The following CADM2 variants were observed in gnomAD, a reference collection of about 807,000 sequenced individuals.
CADM2 encodes the protein cell adhesion molecule 2.
A neutral mutation model predicts 49.8 loss-of-function variants in CADM2; 12 were observed. That is an observed-to-expected ratio of 0.24 (90% CI 0.15 to 0.39). The LOEUF (loss-of-function observed/expected upper bound fraction) is 0.39, where lower values mean the gene tolerates loss of function less well. Ranked by LOEUF, CADM2 falls within the 10% of genes least tolerant of loss-of-function variation. The pLI is 1.00. For missense variants in CADM2, 378 were observed against 492.3 expected (o/e 0.77, Z 2.20); for synonymous variants, 214 against 175.4 (o/e 1.22, Z -1.74).
At chr3:85,669,106 T>C (rs2065662061) in intron 1 of CADM2, among the ~76,000 whole-genome samples, 1 of 152,116 alleles carries the variant, frequency 6.6e-6, no homozygotes, top group Non-Finnish European at 1.5e-5. Flanking sequence ...TACCTGTTCC[T>C]ACCCTCAACT....
intron 1 of CADM2, among the ~76,000 whole-genome samples, chr3:85,637,124 T>A (rs1210257554): frequency 6.6e-6 from 1 of 152,204 alleles, no homozygotes; most frequent in Non-Finnish European, 1.5e-5. Context: ...GTATATTCTT[T>A]TTTTTAAATT....
intron 1 of CADM2, among the ~76,000 whole-genome samples, chr3:85,152,211 T>C (rs2107648116): frequency 6.6e-6 from 1 of 152,298 alleles, no homozygotes; most frequent in African/African-American, 2.4e-5. Context: ...TACTACTCTA[T>C]ATAATACTCT....
At chr3:85,651,727 T>C (rs2065046372) in intron 1 of CADM2, among the ~76,000 whole-genome samples, 1 of 152,122 alleles carries the variant, frequency 6.6e-6, no homozygotes, top group Non-Finnish European at 1.5e-5. Context: ...TCATTATTCT[T>C]GCTTTCCAAA....
chr3:85,919,469 C>T (rs565258548), intron 6 of CADM2, among the ~76,000 whole-genome samples: 8 of 151,436 alleles, frequency 5.3e-5, no homozygotes, highest in Admixed American at 3.3e-4. Flanking sequence ...AGGTTAATAA[C>T]GAATGAAAAT....
intron 1 of CADM2, among the ~76,000 whole-genome samples, chr3:85,058,184 T>G (rs2036166022): frequency 6.6e-6 from 1 of 152,178 alleles, no homozygotes; most frequent in African/African-American, 2.4e-5. Flanking sequence ...GGTGTAAAAC[T>G]AGTTTGTTCA....
chr3:85,408,891 C>T (rs537614698), intron 1 of CADM2, among the ~76,000 whole-genome samples: 4 of 152,170 alleles, frequency 2.6e-5, no homozygotes, highest in African/African-American at 9.6e-5. Context: ...ATATTAAAGC[C>T]AATGTGTCAC....
At chr3:85,506,046 A>C (rs1236400360) in intron 1 of CADM2, among the ~76,000 whole-genome samples, 1 of 152,220 alleles carries the variant, frequency 6.6e-6, no homozygotes, top group Non-Finnish European at 1.5e-5. Flanking sequence ...AAAGACAATT[A>C]AAACTTGCAT....
At chr3:85,223,891 TG>T (rs1246152792) in intron 1 of CADM2, among the ~76,000 whole-genome samples, 1 of 152,192 alleles carries the variant, frequency 6.6e-6, no homozygotes, top group Admixed American at 6.5e-5. Context: ...CTGAGAATGA[TG>T]GTTTCCAGCT....
chr3:85,740,347 A>G (rs181263069), intron 2 of CADM2, among the ~76,000 whole-genome samples: 3 of 152,276 alleles, frequency 2.0e-5, no homozygotes, highest in Non-Finnish European at 4.4e-5. Context: ...CAACAGCTTC[A>G]GTAATAAAGA....
At chr3:85,190,173 C>T (rs917370514) in intron 1 of CADM2, among the ~76,000 whole-genome samples, 1 of 151,872 alleles carries the variant, frequency 6.6e-6, no homozygotes, top group Non-Finnish European at 1.5e-5. Flanking sequence ...GAGGGGATTA[C>T]AAAAATCTTG....
At chr3:85,116,568 C>T (rs1481143174) in intron 1 of CADM2, among the ~76,000 whole-genome samples, 3 of 152,062 alleles carry the variant, frequency 2.0e-5, no homozygotes, top group Admixed American at 6.6e-5. Context: ...TTATATCAAA[C>T]TTCTAGAAAA....
intron 1 of CADM2, among the ~76,000 whole-genome samples, chr3:85,103,140 A>T (rs1193975980): frequency 1.3e-5 from 2 of 152,154 alleles, no homozygotes; most frequent in Non-Finnish European, 2.9e-5. Flanking sequence ...TATATTTGTA[A>T]TGAATAATTC....
chr3:85,862,437 C>G (rs1424534784), intron 3 of CADM2, among the ~76,000 whole-genome samples: 3 of 152,124 alleles, frequency 2.0e-5, no homozygotes, highest in African/African-American at 7.2e-5. Context: ...TTTTGAATTA[C>G]AAGAATTGAA....
At chr3:86,014,063 T>G (rs35684639) in intron 8 of CADM2, 219,243 of 1,309,614 alleles carry the variant, frequency 0.17, 18,938 homozygotes, top group South Asian at 0.23. Flanking sequence ...CTGTTCTTTT[T>G]CACAACGGTT....
chr3:86,037,556 G>C (rs765474921), intron 8 of CADM2, among the ~76,000 whole-genome samples: 1 of 152,020 alleles, frequency 6.6e-6, no homozygotes, highest in African/African-American at 2.4e-5. Flanking sequence ...CATTAAAAGG[G>C]CTGTATTTTC....
chr3:85,457,877 A>T (rs1470160159), intron 1 of CADM2, among the ~76,000 whole-genome samples: 1 of 152,144 alleles, frequency 6.6e-6, no homozygotes, highest in Admixed American at 6.5e-5. Context: ...ATGTAACACA[A>T]TTCTTTTTGG....
intron 3 of CADM2, among the ~76,000 whole-genome samples, chr3:85,870,223 A>C (rs1463221400): frequency 6.6e-6 from 1 of 151,782 alleles, no homozygotes; most frequent in African/African-American, 2.4e-5. Context: ...TGGGCTAACT[A>C]ACTTTTTGTT....
chr3:85,506,083 C>T (rs1039850928), intron 1 of CADM2, among the ~76,000 whole-genome samples: 1 of 152,188 alleles, frequency 6.6e-6, no homozygotes, highest in Non-Finnish European at 1.5e-5. Context: ...TTTCTACTAT[C>T]AGCACCAGGG....
chr3:85,880,212 C>CTATT (rs1361147296), intron 3 of CADM2, among the ~76,000 whole-genome samples: 1 of 152,166 alleles, frequency 6.6e-6, no homozygotes, highest in African/African-American at 2.4e-5. Context: ...CAACATTTTA[C>CTATT]TATTTCAAGT....
Sources: gnomAD v4.1 joint callset for allele counts (sites outside exome capture counted in the v4.1 genomes callset) on GRCh38, gnomAD v4.1.1 for gene constraint, MANE v1.5 for transcripts, NCBI Gene and HGNC (gene_info 2026-07-23, HGNC 2026-07-21) for gene names.